The following NRAP variants were observed in gnomAD, a reference collection of about 807,000 sequenced individuals.
NRAP encodes nebulin-related-anchoring protein.
NRAP carries 189 observed loss-of-function variants against 225.9 expected under a neutral mutation model. The ratio of observed to expected loss-of-function variants is 0.84; its 90% CI spans 0.74 to 0.94. The LOEUF is 0.94. Ranked by LOEUF, NRAP falls within the 40% of genes least tolerant of loss-of-function variation. The pLI is 0.00. For synonymous variants in NRAP, 769 were observed against 790.7 expected, an observed-to-expected ratio of 0.97 and a Z score of 0.46; for missense variants, 2,176 against 2,168.7, an observed-to-expected ratio of 1.00 and a Z score of -0.07.
rs139688259 is a variant in NRAP at position 113,656,942 on chromosome 10, T to C, written c.360+528A>G. On this transcript the variant is annotated intron_variant, in intron 4 of 41. Coordinates refer to ENST00000359988, the MANE Select transcript of NRAP (RefSeq NM_198060.4). ...ATAATGCAAATTCTTATGTGTATAT[T>C]ATGTGTGTAAATAAAATAAATGGCT... is the stretch of plus-strand genomic sequence containing the variant. Among the ~76,000 whole-genome samples, 12 of 152,254 alleles carry C rather than the reference T, an allele frequency of 7.9e-5. No individual in the cohort carries two copies. The South Asian group carries it at 1.0e-3, about 13-fold the overall frequency.
chr10:113,592,409 G>A lies in NRAP; in HGVS notation c.4537-108C>T, dbSNP rs1285447452. On this transcript the variant is annotated intron_variant, in intron 38 of 41. Coordinates refer to ENST00000359988, the MANE Select transcript of NRAP (RefSeq NM_198060.4). ...CTTAACCTTTGTTGGTTCCTAGGAC[G>A]GCACAGCCTATAGCTCCATGTCCAC... is the stretch of plus-strand genomic sequence containing the variant. The A allele has an allele frequency of 4.4e-5, 29 of 652,638 alleles. No individual in the cohort carries two copies. The East Asian group carries it at 6.7e-4, about 15-fold the overall frequency. The allele number at this position is 652,638 out of a possible 1,614,324, so 40.4% of individuals were successfully genotyped here. A position where few individuals can be genotyped will look rare whatever the true frequency, so the allele number is the denominator to read the frequency against.
intron 24 of NRAP, among the ~76,000 whole-genome samples, chr10:113,621,425 A>G (rs1847979273): frequency 6.6e-6 from 1 of 152,162 alleles, no homozygotes; most frequent in Non-Finnish European, 1.5e-5. Flanking sequence ...CTGAAGACAG[A>G]AAGTAGAACT....
intron 2 of NRAP, 29 bp downstream of exon 2, chr10:113,663,323 A>C (rs1279233812): frequency 1.6e-6 from 2 of 1,273,688 alleles, no homozygotes; most frequent in East Asian, 4.6e-5. Flanking sequence ...AAAACTCAAG[A>C]GGTAGTGGTG....
At chr10:113,607,969 A>G (rs1165793305) in intron 32 of NRAP, among the ~76,000 whole-genome samples, 4 of 152,242 alleles carry the variant, frequency 2.6e-5, no homozygotes, top group Admixed American at 6.5e-5. Flanking sequence ...CTTACAATTT[A>G]ACTGTCCTTG....
chr10:113,650,479 C>A lies in NRAP; in HGVS notation c.742G>T (p.Ala248Ser). ...TTGGCTCTTTTGGCTATCTGATAGG[C>A]GGGTGTGATCATCGCAGGGAAACTG... ...KGSFPAMITP[A>S]YQIAKRANEL... Residue 248 changes from alanine (A) to serine (S), a missense_variant, in exon 8 of 42, where the codon GCC (alanine) becomes TCC (serine). Ala to Ser is a moderately conservative substitution (Grantham distance 99). Transcript: ENST00000359988. 1 of 1,613,794 alleles carries A rather than the reference C, an allele frequency of 6.2e-7. No homozygotes were observed.
At chr10:113,628,780 G>A in intron 20 of NRAP, 137 bp downstream of exon 20, 1 of 598,506 alleles carries the variant, frequency 1.7e-6, no homozygotes, top group South Asian at 2.1e-5. Context: ...TGCTACAGGT[G>A]TGAAATGAAG....
chr10:113,589,529 G>T, intron 41 of NRAP, 137 bp downstream of exon 41: 4 of 1,004,946 alleles, frequency 4.0e-6, no homozygotes, highest in South Asian at 1.6e-5. Flanking sequence ...GAAATTAGGC[G>T]CCTTGTTTGA....
intron 23 of NRAP, among the ~76,000 whole-genome samples, chr10:113,622,479 A>T (rs1323424604): frequency 1.3e-5 from 2 of 152,232 alleles, no homozygotes; most frequent in Non-Finnish European, 2.9e-5. Flanking sequence ...TGCTCATGAA[A>T]GGAACTGAAA....
Position 113,622,055 on chromosome 10 carries a change from C to G in NRAP, c.2583G>C (p.Lys861Asn), listed in dbSNP as rs758562935. 6.2e-7 allele frequency: 1 copy of G among 1,614,214 alleles called. No individual in the cohort carries two copies. Among genetic ancestry groups the G allele is most frequent in the Admixed American group, 1.7e-5 (1 of 60,032 alleles). ...MSKLQSELEY[K>N]KGFEDTKSQC... Reference sequence around the variant, plus strand: ...GGGATTTGGTGTCCTCGAATCCCTTCTTGTACTCCAGCTCACTCTGCAGCT... The same window carrying G: ...GGGATTTGGTGTCCTCGAATCCCTTGTTGTACTCCAGCTCACTCTGCAGCT... Residue 861 changes from lysine to asparagine, a missense_variant, in exon 24 of 42, where the codon AAG becomes AAC. This residue lies in a region of NRAP where 1,708 missense variants were observed against 1,695.5 expected (regional missense o/e 1.01). Coordinates refer to ENST00000359988, the MANE Select transcript of NRAP (RefSeq NM_198060.4).
At chr10:113,646,650 CA>C (rs1849528015) in intron 10 of NRAP, among the ~76,000 whole-genome samples, 1 of 152,214 alleles carries the variant, frequency 6.6e-6, no homozygotes, top group Non-Finnish European at 1.5e-5. Flanking sequence ...GGCCATTTGG[CA>C]AAACTCTCCT....
At chr10:113,657,161 C>T (rs147696028) in intron 4 of NRAP, among the ~76,000 whole-genome samples, 65 of 151,974 alleles carry the variant, frequency 4.3e-4, no homozygotes, top group African/African-American at 1.3e-3. Context: ...TAGATCAGAA[C>T]GGGGAGAGTG....
intron 4 of NRAP, among the ~76,000 whole-genome samples, chr10:113,654,383 G>C (rs1047677245): frequency 6.6e-6 from 1 of 151,876 alleles, no homozygotes; most frequent in Non-Finnish European, 1.5e-5. Context: ...ATTGCATCAA[G>C]ATTGGGCGAG....
intron 22 of NRAP, 29 bp from the exon 23 acceptor site, chr10:113,623,665 G>C: frequency 6.8e-7 from 1 of 1,478,012 alleles, no homozygotes; most frequent in East Asian, 2.3e-5. Flanking sequence ...GAAGGTGAGT[G>C]GGTTTTCATG....
Position 113,628,967 on chromosome 10 carries a change from C to T in NRAP, c.2095G>A (p.Gly699Arg). The change falls in exon 20 of 42, where the codon GGG becomes AGG. Residue 699 changes from glycine to arginine, a missense_variant. Transcript: ENST00000359988. Reference sequence around the variant, plus strand: ...TTGGCTTGTTCCAAGTTGAGACTCCCCTCTGTCAGCCACCCAACTCCCTTC... The same window carrying T: ...TTGGCTTGTTCCAAGTTGAGACTCCTCTCTGTCAGCCACCCAACTCCCTTC... ...WMKGVGWLTE[G>R]SLNLEQAKKA... 2 of 1,613,682 alleles carry T rather than the reference C, an allele frequency of 1.2e-6. No individual in the cohort carries two copies. The highest frequency in any genetic ancestry group is 1.7e-5 in the Admixed American group (1 of 59,964).
At chr10:113,649,278 T>C (rs542420285) in intron 9 of NRAP, among the ~76,000 whole-genome samples, 19 of 152,338 alleles carry the variant, frequency 1.2e-4, no homozygotes, top group African/African-American at 4.3e-4. Flanking sequence ...CTAAATCATA[T>C]ATGTTGTAGA....
intron 9 of NRAP, among the ~76,000 whole-genome samples, chr10:113,648,392 TG>T (rs1244574581): frequency 6.6e-6 from 1 of 151,608 alleles, no homozygotes; most frequent in African/African-American, 2.4e-5. Context: ...TCTATGGCTT[TG>T]TCCATTCTGC....
intron 2 of NRAP, 83 bp from the exon 3 acceptor site, chr10:113,662,849 T>A: frequency 1.6e-6 from 1 of 613,642 alleles, no homozygotes. Flanking sequence ...TATTTTTAAA[T>A]AATAACAGTT....
At chr10:113,590,915 A>T in intron 39 of NRAP, 26 bp from the exon 40 acceptor site, 1 of 1,602,776 alleles carries the variant, frequency 6.2e-7, no homozygotes, top group Non-Finnish European at 8.5e-7. Flanking sequence ...GCAGAGGCAG[A>T]TCATGGGTGC....
At chr10:113,642,737 T>C (rs904834767) in intron 12 of NRAP, among the ~76,000 whole-genome samples, 197 bp downstream of exon 12, 6 of 152,124 alleles carry the variant, frequency 3.9e-5, no homozygotes, top group Non-Finnish European at 5.9e-5. Flanking sequence ...AGGGTCAAGA[T>C]TGGGGATGTG....
Sources: gnomAD v4.1 joint callset for allele counts (sites outside exome capture counted in the v4.1 genomes callset) on GRCh38, gnomAD v4.1.1 for gene constraint, gnomAD v4.1.1 regional missense constraint, MANE v1.5 for transcripts, NCBI Gene and HGNC (gene_info 2026-07-23, HGNC 2026-07-21) for gene names.